PPP6R1: variants seen among roughly 807,000 people sequenced by gnomAD.
PPP6R1 encodes serine/threonine-protein phosphatase 6 regulatory subunit 1.
Under a neutral mutation model 104.6 loss-of-function variants are expected in PPP6R1, and 39 were observed. That is an observed-to-expected ratio of 0.37 (90% confidence interval 0.29 to 0.49). The LOEUF (loss-of-function observed/expected upper bound fraction) is 0.49, where lower values mean the gene tolerates loss of function less well. Ranked by LOEUF, PPP6R1 falls within the 20% of genes least tolerant of loss-of-function variation. PPP6R1 has a pLI of 0.98. For synonymous variants in PPP6R1, 549 were observed against 479.0 expected, an observed-to-expected ratio of 1.15 and a Z score of -1.91; for missense variants, 1,181 against 1,155.8, an observed-to-expected ratio of 1.02 and a Z score of -0.32.
At chr19:55,256,926 A>T (rs1189816395) in intron 1 of PPP6R1, among the ~76,000 whole-genome samples, 1 of 152,138 alleles carries the variant, frequency 6.6e-6, no homozygotes, top group African/African-American at 2.4e-5. Context: ...CCCTCTGAGG[A>T]GAGCAGTCTG....
downstream of PPP6R1, chr19:55,228,492 G>A: frequency 6.3e-7 from 1 of 1,597,716 alleles, no homozygotes; most frequent in East Asian, 2.2e-5. Context: ...CCATTCTTGG[G>A]ACTCAGATCT....
At chr19:55,249,216 C>T (rs2087534450) in intron 1 of PPP6R1, among the ~76,000 whole-genome samples, 1 of 152,132 alleles carries the variant, frequency 6.6e-6, no homozygotes, top group Admixed American at 6.5e-5. Context: ...CAGTGACTCA[C>T]CACTTACCCC....
downstream of PPP6R1, chr19:55,228,935 C>G: frequency 1.7e-6 from 1 of 595,622 alleles, no homozygotes; most frequent in Non-Finnish European, 3.0e-6. Context: ...ACTGTTGGCA[C>G]TGGGGGTCCC....
intron 1 of PPP6R1, among the ~76,000 whole-genome samples, chr19:55,257,902 C>G (rs2087606030): frequency 6.6e-6 from 1 of 152,244 alleles, no homozygotes; most frequent in Admixed American, 6.5e-5. Context: ...AGAGAAGCCC[C>G]GCTCCCAGGT....
In PPP6R1 at chr19:55,240,320, G is replaced by C. The variant is rs770700640; in HGVS notation, c.1297-20C>G. The C allele has an allele frequency of 6.3e-7, 1 of 1,577,018 alleles. No homozygotes were observed. The highest frequency in any genetic ancestry group is 1.2e-5 in the South Asian group (1 of 85,968). On this transcript the variant is annotated intron_variant, in intron 10 of 23. Coordinates refer to ENST00000412770, the MANE Select transcript of PPP6R1 (RefSeq NM_014931.4). The stretch of plus-strand genomic sequence containing the variant: ...CAGCAGCTGCGGGAGAGCGGGACAG[G>C]ATGGCCTGGAGGGGTGGTCTGCACA...
Position 55,258,773 on chromosome 19 carries a change from C to G in PPP6R1, c.-345G>C, listed in dbSNP as rs1442992387. On this transcript the variant is annotated 5_prime_UTR_variant, in exon 1 of 24. Transcript: ENST00000412770. ...TTGGCGAGCCGGGTCGCGAGGCCCA[C>G]GCAGGCGCCTCAGCCGGGAAGACGG... 3 of 152,032 alleles carry G rather than the reference C, an allele frequency of 2.0e-5. No homozygotes were observed. The highest frequency in any genetic ancestry group is 4.4e-5 in the Non-Finnish European group (3 of 68,004). The allele number at this position is 152,032 out of a possible 1,614,324, so 9.4% of individuals were successfully genotyped here.
In PPP6R1 at chr19:55,241,244, T is replaced by G; in HGVS notation, c.1156A>C (p.Met386Leu). The G allele has an allele frequency of 1.3e-6, 2 of 1,483,744 alleles. No homozygotes were observed. Among genetic ancestry groups the G allele is most frequent in the Non-Finnish European group, 1.8e-6 (2 of 1,102,664 alleles). The allele number at this position is 1,483,744 out of a possible 1,614,324, so 91.9% of individuals were successfully genotyped here. ...ELLALDVPNTMLDLFFHYVFN... is the reference protein window; with the variant it reads ...ELLALDVPNTLLDLFFHYVFN... Reference sequence around the variant, plus strand: ...GCCCGGTCCAGTCCCCGCACCAGCATGGTGTTGGGCACGTCCAGTGCCAGG... The same window carrying G: ...GCCCGGTCCAGTCCCCGCACCAGCAGGGTGTTGGGCACGTCCAGTGCCAGG... Residue 386 changes from methionine to leucine, a missense_variant, in exon 9 of 24, where the codon ATG (methionine) becomes CTG (leucine). By Grantham distance (15) the Met-to-Leu change is conservative. This residue lies in a region of PPP6R1 where 1,042 missense variants were observed against 955.6 expected (regional missense o/e 1.09). Transcript: ENST00000412770. This position sits in a 1 kb window ranked among gnomAD's most constrained non-coding sequence, Gnocchi z 5.4.
In PPP6R1 at chr19:55,241,622, A is replaced by C. The variant is rs1339055616; in HGVS notation, c.863T>G (p.Val288Gly). ...ATCCACACTGCTGAAGAAGCTGTTCACGGTCACGGACTCGGACCTGCAGCA... is the reference window on the plus strand; with the variant it reads ...ATCCACACTGCTGAAGAAGCTGTTCCCGGTCACGGACTCGGACCTGCAGCA... ...PRRPRSESVT[V>G]NSFFSSVDGQ... Residue 288 changes from valine (V) to glycine (G), a missense_variant, in exon 8 of 24, where the codon GTG (valine) becomes GGG (glycine). Val to Gly is a moderately radical substitution (Grantham distance 109). Coordinates refer to ENST00000412770, the MANE Select transcript of PPP6R1 (RefSeq NM_014931.4). This position sits in a 1 kb window ranked among gnomAD's most constrained non-coding sequence, Gnocchi z 5.4. 6.3e-7 allele frequency: 1 copy of C among 1,581,004 alleles called. No homozygotes were observed. The highest frequency in any genetic ancestry group is 1.4e-5 in the African/African-American group (1 of 73,962).
chr19:55,240,208 G>A lies in PPP6R1; in HGVS notation c.1361+28C>T, dbSNP rs200498140. ...CCCCATCCAGGCAGCCCCAGCCCCTGGAGACATGAAGGGCAGCAGGTGCTC... is the reference window on the plus strand; with the variant it reads ...CCCCATCCAGGCAGCCCCAGCCCCTAGAGACATGAAGGGCAGCAGGTGCTC... On this transcript the variant is annotated intron_variant, in intron 11 of 23. Transcript: ENST00000412770. 137 of 1,576,246 alleles carry A rather than the reference G, an allele frequency of 8.7e-5. No individual in the cohort carries two copies. The East Asian group carries it at 3.0e-3, about 34-fold the overall frequency.
At chr19:55,230,746 C>T (rs748608121) in intron 22 of PPP6R1, 28 bp downstream of exon 22, 1 of 1,455,092 alleles carries the variant, frequency 6.9e-7, no homozygotes, top group Non-Finnish European at 9.2e-7. Context: ...CCACCCCCAC[C>T]CCCCCGCCCT....
chr19:55,250,715 CCACCAGAAAT>C (rs1399539811), intron 1 of PPP6R1, among the ~76,000 whole-genome samples: 105 of 152,276 alleles, frequency 6.9e-4, no homozygotes, highest in African/African-American at 2.4e-3. Context: ...CAACCCAGCA[CCACCAGAAAT>C]CTAGGGACTT....
At chr19:55,243,818 A>G (rs969338852) in intron 5 of PPP6R1, among the ~76,000 whole-genome samples, 9 of 152,056 alleles carry the variant, frequency 5.9e-5, no homozygotes, top group African/African-American at 1.7e-4. Context: ...AATGCCAGCT[A>G]ATTTTTCAAT....
At position 55,239,907 on chromosome 19, in the gene PPP6R1, C is replaced by A. The variant is rs773535612; in HGVS notation, c.1482G>T (p.Leu494=). The A allele has an allele frequency of 6.2e-7, 1 of 1,613,890 alleles. No individual in the cohort carries two copies. Residue 494 remains leucine, a synonymous_variant, in exon 13 of 24, where the codon CTG becomes CTT. Coordinates refer to ENST00000412770, the MANE Select transcript of PPP6R1 (RefSeq NM_014931.4). ...CCCACTGCTCCTGCTGCTCGCTGGGCAGCTCTGCTTAGGTGAGAGGGGTGA... is the reference window on the plus strand; with the variant it reads ...CCCACTGCTCCTGCTGCTCGCTGGGAAGCTCTGCTTAGGTGAGAGGGGTGA... ...AEQLRQLLKE[L]PSEQQEQWEA...
Position 55,230,828 on chromosome 19 carries a change from T to C in PPP6R1, c.2516A>G (p.Gln839Arg). The C allele has an allele frequency of 1.3e-6, 2 of 1,592,884 alleles. No individual in the cohort carries two copies. Among genetic ancestry groups the C allele is most frequent in the African/African-American group, 1.4e-5 (1 of 73,824 alleles). ...VPASGAHQPPQTTEGEKSPEP... is the reference protein window; with the variant it reads ...VPASGAHQPPRTTEGEKSPEP... ...TGGGCTCTTCTCCCCTTCTGTGGTC[T>C]GGGGGGGCTGGTGGGCCCCGGAGGC... is the stretch of plus-strand genomic sequence containing the variant. Residue 839 changes from glutamine to arginine, a missense_variant, in exon 22 of 24, where the codon CAG (glutamine) becomes CGG (arginine). Transcript: ENST00000412770.
rs1287125685 is a variant in PPP6R1 at position 55,241,582 on chromosome 19, G to A, written c.903C>T (p.Leu301=). ...TGCTTTCCAGGGCCCCCTGGGCCAG[G>A]AGCTCCAGCTGCCCATCCACACTGC... ...FFSSVDGQLE[L]LAQGALESTV... The change falls in exon 8 of 24, where the codon CTC becomes CTT. Residue 301 remains leucine (L), a synonymous_variant. Transcript: ENST00000412770. The surrounding 1 kb of genome is among the most constrained non-coding windows in gnomAD (Gnocchi z 5.4). 5.0e-6 allele frequency: 8 copies of A among 1,585,528 alleles called. No individual in the cohort carries two copies. The highest frequency in any genetic ancestry group is 4.6e-5 in the South Asian group (4 of 86,872).
At chr19:55,257,402 G>T (rs1017047833) in intron 1 of PPP6R1, among the ~76,000 whole-genome samples, 5 of 152,194 alleles carry the variant, frequency 3.3e-5, no homozygotes, top group Admixed American at 3.3e-4. Flanking sequence ...GGGTGTCTAT[G>T]GTCATGTCTG....
downstream of PPP6R1, chr19:55,228,920 A>C (rs1646079065): frequency 3.1e-6 from 2 of 635,054 alleles, no homozygotes; most frequent in Non-Finnish European, 5.6e-6. Flanking sequence ...GCCCGCTGAT[A>C]AAGCACTGTT....
chr19:55,235,797 C>T (rs915027392), intron 17 of PPP6R1, among the ~76,000 whole-genome samples: 1 of 150,618 alleles, frequency 6.6e-6, no homozygotes, highest in Admixed American at 6.6e-5. Flanking sequence ...GGATTACAGG[C>T]GTGAGCCACC....
intron 15 of PPP6R1, 39 bp from the exon 16 acceptor site, chr19:55,237,009 G>A (rs767715044): frequency 1.9e-6 from 3 of 1,552,826 alleles, no homozygotes; most frequent in Non-Finnish European, 2.7e-6. Context: ...AGGTCCACCT[G>A]GGGGTGGGGG....
Sources: gnomAD v4.1 joint callset for allele counts (sites outside exome capture counted in the v4.1 genomes callset) on GRCh38, gnomAD v4.1.1 for gene constraint, gnomAD v4.1.1 regional missense constraint, Gnocchi (gnomAD v3.1) non-coding constraint, MANE v1.5 for transcripts, NCBI Gene and HGNC (gene_info 2026-07-23, HGNC 2026-07-21) for gene names.